Variants in XIRP2 observed in about 807,000 individuals in gnomAD.
The protein encoded by XIRP2 is xin actin binding repeat containing 2, also known as xin actin-binding repeat-containing protein 2.
A neutral mutation model predicts 277.0 loss-of-function variants in XIRP2; 236 were observed. The ratio of observed to expected loss-of-function variants is 0.85; its 90% CI spans 0.77 to 0.95. The LOEUF is 0.95. Ranked by LOEUF, XIRP2 falls within the 40% of genes least tolerant of loss-of-function variation. The pLI is 0.00. For missense variants in XIRP2, 4,640 were observed against 4,157.5 expected, an observed-to-expected ratio of 1.12 and a Z score of -3.19; for synonymous variants, 1,490 against 1,416.5, an observed-to-expected ratio of 1.05 and a Z score of -1.17.
chr2:166,903,496 A>G lies in XIRP2; in HGVS notation c.14A>G (p.Gln5Arg). 6.2e-7 allele frequency: 1 copy of G among 1,612,746 alleles called. No individual in the cohort carries two copies. Among genetic ancestry groups the G allele is most frequent in the South Asian group, 1.1e-5 (1 of 90,994 alleles). ...CTGGACCCATCCATGTTCCCAATGC[A>G]GAAGGGCTCCCTCAACCTCCTGAGG... Reference protein sequence around the residue: MFPMQKGSLNLLRQK... With the variant: MFPMRKGSLNLLRQK... Residue 5 changes from glutamine to arginine, a missense_variant, in exon 2 of 11, where the codon CAG (glutamine) becomes CGG (arginine). Transcript: ENST00000409195.
chr2:167,204,766 A>G (rs1693811621), intron 3 of XIRP2, among the ~76,000 whole-genome samples: 1 of 152,200 alleles, frequency 6.6e-6, no homozygotes, highest in African/African-American at 2.4e-5. Flanking sequence ...AAACACGCGT[A>G]TTTATTATAA....
Position 167,258,499 on chromosome 2 carries a change from C to A in XIRP2, c.*682C>A. 6.2e-7 allele frequency: 1 copy of A among 1,613,022 alleles called. No homozygotes were observed. Among genetic ancestry groups the A allele is most frequent in the Non-Finnish European group, 8.5e-7 (1 of 1,179,566 alleles). On this transcript the variant is annotated 3_prime_UTR_variant, in exon 11 of 11. Transcript: ENST00000409195. ...GTGAAGCTGAAGACACAAAGAGTAA[C>A]AGGAAAAGTGCTATGGATCTTAATG...
At chr2:167,078,777 G>C (rs1390896083) in intron 2 of XIRP2, among the ~76,000 whole-genome samples, 1 of 149,750 alleles carries the variant, frequency 6.7e-6, no homozygotes, top group African/African-American at 2.5e-5. Context: ...GTTGGAGCTT[G>C]CAGTGAGCCG....
intron 2 of XIRP2, among the ~76,000 whole-genome samples, chr2:167,002,328 C>G (rs1253263966): frequency 6.6e-6 from 1 of 152,026 alleles, no homozygotes; most frequent in African/African-American, 2.4e-5. Context: ...GCAAATCAAT[C>G]TGGCTGTGGT....
At chr2:166,941,401 G>A (rs971602975) in intron 2 of XIRP2, among the ~76,000 whole-genome samples, 41 of 152,210 alleles carry the variant, frequency 2.7e-4, no homozygotes, top group Admixed American at 9.2e-4. Context: ...CCCAGGTAAG[G>A]CGATGCCTCG....
intron 2 of XIRP2, among the ~76,000 whole-genome samples, chr2:166,940,785 C>T (rs1685686546): frequency 6.6e-6 from 1 of 152,170 alleles, no homozygotes; most frequent in African/African-American, 2.4e-5. Flanking sequence ...GCAAATGTTG[C>T]TGCCTGGTCA....
chr2:167,089,591 ATG>A (rs564258964), intron 2 of XIRP2, among the ~76,000 whole-genome samples: 38 of 151,948 alleles, frequency 2.5e-4, no homozygotes, highest in African/African-American at 8.5e-4. Flanking sequence ...CTTAATGCAT[ATG>A]TGTGTGTGTG....
chr2:167,054,698 A>AG (rs5836130), intron 2 of XIRP2, among the ~76,000 whole-genome samples: 2 of 151,186 alleles, frequency 1.3e-5, no homozygotes, highest in Non-Finnish European at 2.9e-5. Flanking sequence ...AAAAAAAAAA[A>AG]GGAAAAGGAA....
At chr2:167,034,556 C>CTAT (rs1688458836) in intron 2 of XIRP2, among the ~76,000 whole-genome samples, 1 of 150,902 alleles carries the variant, frequency 6.6e-6, no homozygotes, top group East Asian at 1.9e-4. Flanking sequence ...CATACTTCAC[C>CTAT]TATAAAGATA....
chr2:167,202,782 A>G (rs1303846776), intron 3 of XIRP2, among the ~76,000 whole-genome samples: 8 of 152,274 alleles, frequency 5.3e-5, no homozygotes, highest in African/African-American at 1.4e-4. Context: ...GCACTCATCT[A>G]TTATCTTACA....
At position 167,248,170 on chromosome 2, in the gene XIRP2, TC is replaced by T; in HGVS notation, c.6780del (p.Thr2261GlnfsTer3). 6.2e-7 allele frequency: 1 copy of T among 1,613,678 alleles called. No individual in the cohort carries two copies. The highest frequency in any genetic ancestry group is 8.5e-7 in the Non-Finnish European group (1 of 1,179,814). On this transcript the variant is annotated frameshift_variant, in exon 9 of 11. Transcript: ENST00000409195. LOFTEE classifies it high-confidence loss of function. Reference sequence around the variant, plus strand: ...GGACTTTCTAATGAAAACAAATACTTCCACAGGCTTAAAAATGGCAATGGAA... The same window carrying T: ...GGACTTTCTAATGAAAACAAATACTTCACAGGCTTAAAAATGGCAATGGAA... ...SQDFLMKTNT[S>X]TGLKMAMERS...
intron 3 of XIRP2, among the ~76,000 whole-genome samples, chr2:167,195,922 C>G (rs1339176147): frequency 6.6e-6 from 1 of 152,154 alleles, no homozygotes; most frequent in Non-Finnish European, 1.5e-5. Flanking sequence ...CTGGGCCCTG[C>G]AGAGCTTCCA....
At chr2:167,201,582 C>A (rs1267337513) in intron 3 of XIRP2, among the ~76,000 whole-genome samples, 1 of 152,096 alleles carries the variant, frequency 6.6e-6, no homozygotes, top group Non-Finnish European at 1.5e-5. Context: ...ATCCCTAACC[C>A]CTTCTTAAGT....
intron 2 of XIRP2, among the ~76,000 whole-genome samples, chr2:166,917,227 A>C (rs1329944006): frequency 6.6e-6 from 1 of 152,206 alleles, no homozygotes; most frequent in Non-Finnish European, 1.5e-5. Context: ...CTCACTGAGT[A>C]ATCTTTTAAC....
intron 2 of XIRP2, among the ~76,000 whole-genome samples, chr2:167,033,695 G>T (rs927151487): frequency 5.9e-5 from 9 of 151,818 alleles, no homozygotes; most frequent in African/African-American, 2.2e-4. Context: ...ACTTCTCAGT[G>T]GAAACCTTAC....
At chr2:166,978,069 T>C (rs781075123) in intron 2 of XIRP2, among the ~76,000 whole-genome samples, 13 of 152,196 alleles carry the variant, frequency 8.5e-5, no homozygotes, top group Non-Finnish European at 1.5e-4. Flanking sequence ...TTCATGAAAG[T>C]AGTCAAAATT....
At chr2:167,229,381 T>C (rs1694692474) in intron 5 of XIRP2, among the ~76,000 whole-genome samples, 1 of 152,150 alleles carries the variant, frequency 6.6e-6, no homozygotes, top group Non-Finnish European at 1.5e-5. Context: ...ATTGCTATAA[T>C]GAAATGGCAA....
intron 2 of XIRP2, among the ~76,000 whole-genome samples, chr2:166,965,882 G>C (rs1450035450): frequency 6.6e-6 from 1 of 151,564 alleles, no homozygotes; most frequent in Non-Finnish European, 1.5e-5. Context: ...CACCATGCCT[G>C]GCCTCTAAGT....
At chr2:167,017,735 G>A (rs563663696) in intron 2 of XIRP2, among the ~76,000 whole-genome samples, 121 of 151,944 alleles carry the variant, frequency 8.0e-4, no homozygotes, top group Non-Finnish European at 1.3e-3. Context: ...TTAAATTCAC[G>A]TGCCAGATGC....
Sources: allele counts gnomAD v4.1 joint callset (sites outside exome capture counted in the v4.1 genomes callset), GRCh38; gene constraint gnomAD v4.1.1; transcripts MANE v1.5; gene names NCBI Gene and HGNC (gene_info 2026-07-23, HGNC 2026-07-21).